The following NR2C2 variants were observed in gnomAD, a reference collection of about 807,000 sequenced individuals.
NR2C2 encodes the protein Nuclear hormone receptor TR4.
In NR2C2, 6 loss-of-function variants were observed where a neutral mutation model predicts 62.9. That is an observed-to-expected ratio of 0.10 (90% CI 0.05 to 0.19). The LOEUF is 0.19. NR2C2 is among the 10% of genes least tolerant of loss of function. The pLI is 1.00. For synonymous variants in NR2C2, 272 were observed against 273.8 expected (o/e 0.99, Z 0.07); for missense variants, 479 against 762.7 (o/e 0.63, Z 4.38).
intron 2 of NR2C2, among the ~76,000 whole-genome samples, chr3:15,008,169 A>G (rs993182899): frequency 6.6e-6 from 1 of 151,786 alleles, no homozygotes; most frequent in African/African-American, 2.4e-5. Flanking sequence ...GATTTTGATT[A>G]TGGGAAATAC....
chr3:14,951,740 A>C (rs1465433462), intron 1 of NR2C2, among the ~76,000 whole-genome samples: 1 of 151,536 alleles, frequency 6.6e-6, no homozygotes, highest in Admixed American at 6.6e-5. Context: ...GATGGCTGGA[A>C]GTTTTTTTTG....
At chr3:15,012,966 T>C (rs1475947496) in intron 2 of NR2C2, among the ~76,000 whole-genome samples, 1 of 152,172 alleles carries the variant, frequency 6.6e-6, no homozygotes, top group Non-Finnish European at 1.5e-5. Flanking sequence ...TCCTAGGATC[T>C]TTTATTGTCG....
intron 9 of NR2C2, among the ~76,000 whole-genome samples, chr3:15,030,998 A>G (rs1303988591): frequency 6.6e-6 from 1 of 152,154 alleles, no homozygotes; most frequent in Non-Finnish European, 1.5e-5. Context: ...GTAACCATGA[A>G]GCAGGCGTGG....
chr3:15,042,926 T>C lies in NR2C2; in HGVS notation c.1709T>C (p.Val570Ala). Residue 570 changes from valine (V) to alanine (A), a missense_variant, in exon 14 of 14, where the codon GTT becomes GCT. Around this residue, in one of 4 missense-constraint regions of NR2C2, gnomAD observed 162 missense variants for 296.8 expected, o/e 0.55. Transcript: ENST00000425241. ...ELFFTGLIGN[V>A]SIDSIIPYIL... ...TTTTTTACTGGTCTCATTGGCAATG[T>C]TTCGATAGACAGCATAATCCCCTAC... 6.2e-7 allele frequency: 1 copy of C among 1,614,184 alleles called. No individual in the cohort carries two copies. Among genetic ancestry groups the C allele is most frequent in the Non-Finnish European group, 8.5e-7 (1 of 1,180,016 alleles).
At chr3:14,964,291 T>C (rs1281450003) in intron 1 of NR2C2, among the ~76,000 whole-genome samples, 3 of 152,160 alleles carry the variant, frequency 2.0e-5, no homozygotes, top group Non-Finnish European at 4.4e-5. Context: ...ATAAACAAAA[T>C]TATTTACCCA....
chr3:15,028,596 G>T lies in NR2C2; in HGVS notation c.809G>T (p.Ser270Ile). The change falls in exon 8 of 14, where the codon AGC becomes ATC. Residue 270 changes from serine to isoleucine, a missense_variant. Around this residue, in one of 4 missense-constraint regions of NR2C2, gnomAD observed 151 missense variants for 176.1 expected, o/e 0.86. Transcript: ENST00000425241. ...TTTTTTGTTTAATAGGCTGAAACAA[G>T]CCAGGGAGCTCTGGGCACACTGGCA... ...LLATDSKAET[S>I]QGALGTLANV... is the part of the protein sequence containing the mutation. 6.2e-7 allele frequency: 1 copy of T among 1,612,874 alleles called. No individual in the cohort carries two copies. Among genetic ancestry groups the T allele is most frequent in the Non-Finnish European group, 8.5e-7 (1 of 1,179,024 alleles).
At chr3:14,965,454 A>C (rs181898336) in intron 1 of NR2C2, among the ~76,000 whole-genome samples, 1 of 150,996 alleles carries the variant, frequency 6.6e-6, no homozygotes, top group African/African-American at 2.4e-5. Context: ...ATTTTCTGCC[A>C]AATACCTTAT....
intron 3 of NR2C2, 109 bp downstream of exon 3, chr3:15,013,898 G>T: frequency 1.7e-6 from 2 of 1,164,168 alleles, no homozygotes; most frequent in Middle Eastern, 1.9e-4. Flanking sequence ...AAGGTTCCTT[G>T]GGGACCTGCA....
At chr3:15,003,481 C>T (rs1466379657) in intron 1 of NR2C2, among the ~76,000 whole-genome samples, 1 of 152,134 alleles carries the variant, frequency 6.6e-6, no homozygotes, top group African/African-American at 2.4e-5. Flanking sequence ...TTGTCATCCC[C>T]TGCTGTGTTG....
rs188412505 is a variant in NR2C2 at position 14,971,756 on chromosome 3, T to C, written c.-40+23850T>C. The stretch of plus-strand genomic sequence containing the variant: ...ATGATTAGTGATGTTGAACAGCTTT[T>C]CTTTTTTTGTTGTTGTTCACATTAA... On this transcript the variant is annotated intron_variant, in intron 1 of 13. Coordinates refer to ENST00000425241, the MANE Select transcript of NR2C2 (RefSeq NM_001291694.2). Among the ~76,000 whole-genome samples, 147 of 151,710 alleles carry C rather than the reference T, an allele frequency of 9.7e-4. 10 individuals are homozygous for C. Among genetic ancestry groups the C allele is most frequent in the African/African-American group, 3.2e-3 (133 of 41,026 alleles).
intron 5 of NR2C2, among the ~76,000 whole-genome samples, chr3:15,022,780 C>A (rs933156338): frequency 3.9e-5 from 6 of 152,130 alleles, no homozygotes; most frequent in African/African-American, 1.4e-4. Context: ...AATTCCAGCA[C>A]TTTGGCAGGC....
chr3:14,952,709 G>A (rs2039402749), intron 1 of NR2C2, among the ~76,000 whole-genome samples: 1 of 152,112 alleles, frequency 6.6e-6, no homozygotes, highest in Admixed American at 6.5e-5. Flanking sequence ...TTATTCGTTG[G>A]AGGTTTGCTT....
chr3:15,022,763 T>C (rs1288481137), intron 5 of NR2C2, among the ~76,000 whole-genome samples: 1 of 152,202 alleles, frequency 6.6e-6, no homozygotes, highest in Non-Finnish European at 1.5e-5. Flanking sequence ...CGGTGGCTTA[T>C]GCCTGTAATT....
intron 3 of NR2C2, 101 bp downstream of exon 3, chr3:15,013,890 G>T (rs2041426584): frequency 8.1e-7 from 1 of 1,240,318 alleles, no homozygotes; most frequent in Non-Finnish European, 1.2e-6. Flanking sequence ...ATCCCTGGAA[G>T]GTTCCTTGGG....
intron 2 of NR2C2, among the ~76,000 whole-genome samples, chr3:15,011,743 T>C (rs903449565): frequency 3.9e-5 from 6 of 152,254 alleles, no homozygotes; most frequent in Admixed American, 3.9e-4. Flanking sequence ...CATCCTATTC[T>C]GCTGCCTCTC....
At chr3:14,985,973 A>G (rs993713938) in intron 1 of NR2C2, among the ~76,000 whole-genome samples, 1 of 152,174 alleles carries the variant, frequency 6.6e-6, no homozygotes, top group Admixed American at 6.5e-5. Context: ...TTTAACAGTC[A>G]CATAACTTCA....
chr3:15,003,587 T>G (rs1183220926), intron 1 of NR2C2, among the ~76,000 whole-genome samples: 1 of 152,214 alleles, frequency 6.6e-6, no homozygotes, highest in Non-Finnish European at 1.5e-5. Flanking sequence ...AAATGTTGTT[T>G]TGGTAGGTTT....
At chr3:14,990,623 C>T (rs747122780) in intron 1 of NR2C2, among the ~76,000 whole-genome samples, 1 of 152,196 alleles carries the variant, frequency 6.6e-6, no homozygotes, top group Non-Finnish European at 1.5e-5. Context: ...GGGTTGGACT[C>T]TCTTTGGCCT....
At chr3:15,019,715 C>T (rs2125014043) in intron 4 of NR2C2, among the ~76,000 whole-genome samples, 1 of 151,894 alleles carries the variant, frequency 6.6e-6, no homozygotes, top group Middle Eastern at 3.4e-3. Flanking sequence ...AAATTGATAT[C>T]ATAGAAACAG....
Sources: allele counts gnomAD v4.1 joint callset (sites outside exome capture counted in the v4.1 genomes callset), GRCh38; gene constraint gnomAD v4.1.1; regional missense constraint gnomAD v4.1.1; transcripts MANE v1.5; gene names NCBI Gene and HGNC (gene_info 2026-07-23, HGNC 2026-07-21).